VPS36: variants seen among roughly 807,000 people sequenced by gnomAD.
VPS36 encodes vacuolar protein-sorting-associated protein 36.
VPS36 carries 31 observed loss-of-function variants against 63.5 expected under a neutral mutation model. The observed-to-expected ratio is 0.49, with a 90% CI of 0.37 to 0.66. The LOEUF (loss-of-function observed/expected upper bound fraction) is 0.66, where lower values mean the gene tolerates loss of function less well. VPS36 is among the 30% of genes least tolerant of loss of function. The probability of loss-of-function intolerance (pLI) is 0.00; values close to 1 mark genes in which losing one functional copy is unlikely to be tolerated. For synonymous variants in VPS36, 138 were observed against 157.2 expected (o/e 0.88, Z 0.91); for missense variants, 338 against 463.7 (o/e 0.73, Z 2.49).
chr13:52,429,600 T>G (rs181306900), intron 6 of VPS36, among the ~76,000 whole-genome samples: 100 of 152,236 alleles, frequency 6.6e-4, no homozygotes, highest in African/African-American at 2.4e-3. Flanking sequence ...TAGGGAGGAA[T>G]ATCTGCTGAA....
At chr13:52,417,277 T>G (rs1478643147) in intron 11 of VPS36, 136 bp from the exon 12 acceptor site, 2 of 641,132 alleles carry the variant, frequency 3.1e-6, no homozygotes, top group Non-Finnish European at 5.4e-6. Flanking sequence ...TTAAAACATA[T>G]CAAACCCAAG....
At chr13:52,444,541 T>C (rs1361164059) in intron 1 of VPS36, among the ~76,000 whole-genome samples, 1 of 147,558 alleles carries the variant, frequency 6.8e-6, no homozygotes, top group Non-Finnish European at 1.5e-5. Context: ...TATAAATACA[T>C]ATACATATAT....
chr13:52,435,872 T>G (rs1281134422), intron 4 of VPS36: 1 of 156,606 alleles, frequency 6.4e-6, no homozygotes, highest in African/African-American at 2.4e-5. Flanking sequence ...AGTACTTAAG[T>G]GATTAAGATT....
chr13:52,439,982 A>G (rs1275049550), intron 2 of VPS36, among the ~76,000 whole-genome samples: 1 of 145,154 alleles, frequency 6.9e-6, no homozygotes, highest in African/African-American at 2.5e-5. Flanking sequence ...CATATGTTTA[A>G]TTTTTTTTTT....
At chr13:52,425,330 T>A (rs1333445186) in intron 9 of VPS36, among the ~76,000 whole-genome samples, 1 of 152,042 alleles carries the variant, frequency 6.6e-6, no homozygotes, top group Non-Finnish European at 1.5e-5. Flanking sequence ...TTTTAGATTA[T>A]GAAAGGGGAT....
intron 1 of VPS36, among the ~76,000 whole-genome samples, chr13:52,449,650 T>C (rs113956623): frequency 1.3e-5 from 2 of 152,322 alleles, no homozygotes; most frequent in African/African-American, 4.8e-5. Context: ...TGTGGGTAAA[T>C]GAGTTTTAAA....
At chr13:52,435,934 G>A (rs1958210576) in intron 4 of VPS36, 1 of 172,046 alleles carries the variant, frequency 5.8e-6, no homozygotes, top group African/African-American at 2.4e-5. Context: ...GGAACCTTCA[G>A]ATACTGAGAT....
intron 6 of VPS36, among the ~76,000 whole-genome samples, chr13:52,433,108 T>C (rs1004201062): frequency 6.6e-6 from 1 of 152,230 alleles, no homozygotes; most frequent in Non-Finnish European, 1.5e-5. Flanking sequence ...CTGGTCTTTT[T>C]AGCTAGAGTT....
chr13:52,423,873 T>A (rs937948227), intron 9 of VPS36, among the ~76,000 whole-genome samples: 5 of 151,958 alleles, frequency 3.3e-5, no homozygotes, highest in Non-Finnish European at 1.5e-5. Context: ...TTTTATTTTT[T>A]TTGAGATGGA....
At chr13:52,439,543 T>C (rs1478210043) in intron 2 of VPS36, among the ~76,000 whole-genome samples, 1 of 152,234 alleles carries the variant, frequency 6.6e-6, no homozygotes, top group Non-Finnish European at 1.5e-5. Flanking sequence ...CCTCCTGGGT[T>C]AACACCATTC....
chr13:52,433,162 G>A (rs576611786), intron 6 of VPS36, among the ~76,000 whole-genome samples: 11 of 152,284 alleles, frequency 7.2e-5, no homozygotes, highest in African/African-American at 2.6e-4. Flanking sequence ...TGAAGCCTCA[G>A]AAACACTGGA....
In VPS36 at chr13:52,431,633, C is replaced by T. The variant is rs577271335; in HGVS notation, c.528+2029G>A. 3.8e-3 allele frequency among the ~76,000 whole-genome samples: 581 copies of T among 151,684 alleles called. 4 individuals are homozygous for T. Among genetic ancestry groups the T allele is most frequent in the Non-Finnish European group, 6.6e-3 (451 of 67,892 alleles). On this transcript the variant is annotated intron_variant, in intron 6 of 13. Transcript: ENST00000378060. ...CAAAAATTAGCTGGGCACAGTGGTG[C>T]GCGCCTGTAATCCCAGCTACTCGGG...
intron 3 of VPS36, among the ~76,000 whole-genome samples, chr13:52,437,460 T>TAA (rs571467699): frequency 1.1e-4 from 16 of 149,910 alleles, no homozygotes; most frequent in African/African-American, 3.7e-4. Flanking sequence ...TCTCTGAAAC[T>TAA]AAAAAAAAAC....
At position 52,425,933 on chromosome 13, in the gene VPS36, T is replaced by C. The variant is rs1958097255; in HGVS notation, c.773A>G (p.Glu258Gly). 2.5e-6 allele frequency: 4 copies of C among 1,611,572 alleles called. No individual in the cohort carries two copies. The highest frequency in any genetic ancestry group is 3.4e-6 in the Non-Finnish European group (4 of 1,179,330). ...AAAACACATAGGTTTAGTTTTTACC[T>C]CTAAAGGCACCTGCAATATTCCAGC... ...QLAGILQVPLEERGGIMSLTE... is the reference protein window; with the variant it reads ...QLAGILQVPLGERGGIMSLTE... The change falls in exon 9 of 14, where the codon GAG (glutamate) becomes GGG (glycine). Residue 258 changes from glutamate to glycine, a missense_variant and splice_region_variant. Physicochemically the swap from Glu to Gly is moderately conservative, Grantham distance 98 (BLOSUM62 -2). Coordinates refer to ENST00000378060, the MANE Select transcript of VPS36 (RefSeq NM_016075.4).
chr13:52,445,492 AGCCAG>A (rs1958328406), intron 1 of VPS36, among the ~76,000 whole-genome samples: 1 of 148,348 alleles, frequency 6.7e-6, no homozygotes, highest in African/African-American at 2.5e-5. Flanking sequence ...ACAAAAAATT[AGCCAG>A]GCTTGGTGGC....
intron 1 of VPS36, among the ~76,000 whole-genome samples, chr13:52,447,527 T>C (rs1448384872): frequency 2.0e-5 from 3 of 152,322 alleles, no homozygotes; most frequent in South Asian, 2.1e-4. Context: ...TATCTAGTCA[T>C]AATGAGCCCA....
intron 6 of VPS36, among the ~76,000 whole-genome samples, chr13:52,432,176 C>G (rs1208448757): frequency 6.6e-6 from 1 of 151,998 alleles, no homozygotes; most frequent in Non-Finnish European, 1.5e-5. Context: ...ATGGTGAAAC[C>G]CCGTCTCTAC....
intron 9 of VPS36, chr13:52,425,650 A>G (rs959625289): frequency 4.0e-6 from 1 of 252,596 alleles, no homozygotes; most frequent in Non-Finnish European, 7.5e-6. Flanking sequence ...AAATATATCT[A>G]TTCAGAGAAA....
Position 52,442,462 on chromosome 13 carries a change from T to G in VPS36, c.97-17A>C. On this transcript the variant is annotated splice_polypyrimidine_tract_variant and intron_variant, in intron 1 of 13. Coordinates refer to ENST00000378060, the MANE Select transcript of VPS36 (RefSeq NM_016075.4). ...AAATTTTATCTAGAAAGAAAGAGCA[T>G]CACAAAATATTAATAACATATCACT... 1 of 1,604,070 alleles carries G rather than the reference T, an allele frequency of 6.2e-7. No homozygotes were observed. The highest frequency in any genetic ancestry group is 8.5e-7 in the Non-Finnish European group (1 of 1,174,716).
Sources: gnomAD v4.1 joint callset for allele counts (sites outside exome capture counted in the v4.1 genomes callset) on GRCh38, gnomAD v4.1.1 for gene constraint, MANE v1.5 for transcripts, NCBI Gene and HGNC (gene_info 2026-07-23, HGNC 2026-07-21) for gene names.